The following NEK1 variants were observed in gnomAD, a reference collection of about 807,000 sequenced individuals.
NEK1 encodes the protein NIMA related kinase 1.
NEK1 carries 137 observed loss-of-function variants against 182.1 expected under a neutral mutation model. That is an observed-to-expected ratio of 0.75 (90% CI 0.65 to 0.87). The LOEUF is 0.87. Among genes scored for constraint, NEK1 ranks in the 40% least tolerant of loss-of-function variants. NEK1 has a pLI of 0.00. For synonymous variants in NEK1, 513 were observed against 492.2 expected, an observed-to-expected ratio of 1.04 and a Z score of -0.56; for missense variants, 1,391 against 1,494.4, an observed-to-expected ratio of 0.93 and a Z score of 1.14.
chr4:169,512,077 ATT>A (rs753141172), intron 19 of NEK1, among the ~76,000 whole-genome samples: 19 of 152,138 alleles, frequency 1.2e-4, no homozygotes, highest in Non-Finnish European at 2.2e-4. Context: ...TTCTATGAAT[ATT>A]CATGAATGAG....
intron 23 of NEK1, among the ~76,000 whole-genome samples, chr4:169,497,854 T>G (rs1372868925): frequency 6.6e-6 from 1 of 152,162 alleles, no homozygotes; most frequent in African/African-American, 2.4e-5. Context: ...ATAGGTGTGG[T>G]GTGGTGCTGA....
At chr4:169,405,757 C>G (rs13122819) in intron 32 of NEK1, among the ~76,000 whole-genome samples, 1 of 152,110 alleles carries the variant, frequency 6.6e-6, no homozygotes, top group Non-Finnish European at 1.5e-5. Context: ...CCTCAGCCTC[C>G]TGAGTAGCTG....
At chr4:169,609,629 A>G (rs1771976768) in intron 2 of NEK1, among the ~76,000 whole-genome samples, 2 of 150,002 alleles carry the variant, frequency 1.3e-5, no homozygotes, top group Non-Finnish European at 2.9e-5. Context: ...ATATACACAC[A>G]TGCACCCCTG....
At chr4:169,518,399 T>C (rs1755480713) in intron 19 of NEK1, among the ~76,000 whole-genome samples, 1 of 139,486 alleles carries the variant, frequency 7.2e-6, no homozygotes, top group African/African-American at 3.0e-5. Flanking sequence ...TCTCTCTTTT[T>C]TTCTTTATTA....
At chr4:169,403,880 AT>A (rs112100268) in intron 32 of NEK1, among the ~76,000 whole-genome samples, 18,375 of 151,888 alleles carry the variant, frequency 0.12, 1,204 homozygotes, top group African/African-American at 0.18. Flanking sequence ...ACAAAAAAAA[AT>A]AATAATAATT....
At chr4:169,515,560 G>A (rs1195014411) in intron 19 of NEK1, among the ~76,000 whole-genome samples, 1 of 139,938 alleles carries the variant, frequency 7.1e-6, no homozygotes, top group East Asian at 2.1e-4. Context: ...GTGCAGGTTA[G>A]TTACATATGT....
chr4:169,589,523 G>T lies in NEK1; in HGVS notation c.397-9C>A. ...TTAGTTAAAAATATGTTCTGTAAAA[G>T]ACAGGAAAAAAAAAAACCCTAGAAA... On this transcript the variant is annotated splice_polypyrimidine_tract_variant and intron_variant, in intron 6 of 35. Coordinates refer to ENST00000507142, the MANE Select transcript of NEK1 (RefSeq NM_001199397.3). 7.0e-7 allele frequency: 1 copy of T among 1,420,274 alleles called. No individual in the cohort carries two copies. Among genetic ancestry groups the T allele is most frequent in the Non-Finnish European group, 9.5e-7 (1 of 1,052,442 alleles). 88.0% of individuals were successfully genotyped at this position (1,420,274 alleles called of 1,614,324 possible).
Position 169,413,073 on chromosome 4 carries a change from A to C in NEK1, c.3223-6326T>G, listed in dbSNP as rs527827803. 1.2e-3 allele frequency among the ~76,000 whole-genome samples: 186 copies of C among 152,208 alleles called. 1 individual carries two copies. The highest frequency in any genetic ancestry group is 2.3e-3 in the Non-Finnish European group (159 of 67,998). Reference sequence around the variant, plus strand: ...CTCTACCTTCTGTTCACTTAACATCATAGGTGTGTGGTGTTAATTTAGTTT... The same window carrying C: ...CTCTACCTTCTGTTCACTTAACATCCTAGGTGTGTGGTGTTAATTTAGTTT... On this transcript the variant is annotated intron_variant, in intron 31 of 35. Coordinates refer to ENST00000507142, the MANE Select transcript of NEK1 (RefSeq NM_001199397.3).
intron 5 of NEK1, among the ~76,000 whole-genome samples, chr4:169,597,662 C>T (rs952642487): frequency 5.3e-5 from 8 of 151,786 alleles, no homozygotes; most frequent in African/African-American, 1.9e-4. Flanking sequence ...CAGCCAGGCG[C>T]GGTGGCTCAC....
intron 12 of NEK1, among the ~76,000 whole-genome samples, chr4:169,571,586 T>C (rs1469758848): frequency 1.3e-5 from 2 of 152,192 alleles, no homozygotes; most frequent in Non-Finnish European, 2.9e-5. Flanking sequence ...AAGTACAAAC[T>C]TGTTTTTGCA....
At chr4:169,526,664 T>C (rs878871681) in intron 19 of NEK1, among the ~76,000 whole-genome samples, 1 of 152,220 alleles carries the variant, frequency 6.6e-6, no homozygotes, top group South Asian at 2.1e-4. Flanking sequence ...ATAACTTGAC[T>C]ATAGCAGGTT....
At chr4:169,409,250 T>C (rs1038228201) in intron 31 of NEK1, among the ~76,000 whole-genome samples, 3 of 152,054 alleles carry the variant, frequency 2.0e-5, no homozygotes, top group South Asian at 2.1e-4. Context: ...GTTCACGCCA[T>C]TCTCTTGCCT....
intron 5 of NEK1, among the ~76,000 whole-genome samples, chr4:169,596,941 C>A (rs1327734615): frequency 6.6e-6 from 1 of 152,034 alleles, no homozygotes; most frequent in African/African-American, 2.4e-5. Context: ...ATGAACTATA[C>A]AAATCTCCAT....
At chr4:169,460,604 T>C (rs1743789825) in intron 27 of NEK1, among the ~76,000 whole-genome samples, 1 of 152,050 alleles carries the variant, frequency 6.6e-6, no homozygotes, top group Admixed American at 6.6e-5. Flanking sequence ...AAACCCACTA[T>C]GTACTGTACT....
At chr4:169,596,171 A>C (rs1769455092) in intron 5 of NEK1, among the ~76,000 whole-genome samples, 1 of 152,152 alleles carries the variant, frequency 6.6e-6, no homozygotes, top group Non-Finnish European at 1.5e-5. Context: ...GTTAGGATAG[A>C]AGAACAAATA....
intron 29 of NEK1, among the ~76,000 whole-genome samples, chr4:169,427,328 G>A (rs1736572964): frequency 6.6e-6 from 1 of 152,058 alleles, no homozygotes; most frequent in East Asian, 1.9e-4. Flanking sequence ...GAGTTTCATC[G>A]TGTTAGCCAG....
Position 169,394,398 on chromosome 4 carries a change from A to T in NEK1, c.*112T>A. 1.5e-6 allele frequency: 1 copy of T among 673,952 alleles called. No individual in the cohort carries two copies. Among genetic ancestry groups the T allele is most frequent in the Non-Finnish European group, 2.5e-6 (1 of 395,866 alleles). 41.7% of individuals were successfully genotyped at this position (673,952 alleles called of 1,614,324 possible). A position where few individuals can be genotyped will look rare whatever the true frequency, so the allele number is the denominator to read the frequency against. On this transcript the variant is annotated 3_prime_UTR_variant, in exon 36 of 36. Coordinates refer to ENST00000507142, the MANE Select transcript of NEK1 (RefSeq NM_001199397.3). ...TTCATGCAATAAGAAAGTCCATCTT[A>T]AATCTGATTTTTTAAATAAATAATT...
At chr4:169,403,871 CA>C (rs1006165929) in intron 32 of NEK1, among the ~76,000 whole-genome samples, 5 of 148,144 alleles carry the variant, frequency 3.4e-5, no homozygotes, top group South Asian at 2.1e-4. Context: ...AAAGTTTAGA[CA>C]AAAAAAAATA....
chr4:169,460,881 G>A (rs922023441), intron 27 of NEK1, among the ~76,000 whole-genome samples: 1 of 152,084 alleles, frequency 6.6e-6, no homozygotes, highest in Non-Finnish European at 1.5e-5. Flanking sequence ...AAGACAAACT[G>A]TTATGAAAAT....
Sources: allele counts gnomAD v4.1 joint callset (sites outside exome capture counted in the v4.1 genomes callset), GRCh38; gene constraint gnomAD v4.1.1; transcripts MANE v1.5; gene names NCBI Gene and HGNC (gene_info 2026-07-23, HGNC 2026-07-21).